Variants in STK36 observed in about 807,000 individuals in gnomAD.
The protein encoded by STK36 is serine/threonine-protein kinase 36.
STK36 carries 116 observed loss-of-function variants against 142.2 expected under a neutral mutation model. That is an observed-to-expected ratio of 0.82 (90% CI 0.70 to 0.95). The LOEUF is 0.95. Among genes scored for constraint, STK36 ranks in the 40% least tolerant of loss-of-function variants. STK36 has a pLI of 0.00. For missense variants in STK36, 1,422 were observed against 1,617.2 expected, an observed-to-expected ratio of 0.88 and a Z score of 2.07; for synonymous variants, 619 against 641.7, an observed-to-expected ratio of 0.96 and a Z score of 0.53.
At position 218,672,919 on chromosome 2, in the gene STK36, G is replaced by A. The variant is rs1940054275; in HGVS notation, c.84+6G>A. 1 of 1,613,682 alleles carries A rather than the reference G, an allele frequency of 6.2e-7. No homozygotes were observed. The highest frequency in any genetic ancestry group is 8.5e-7 in the Non-Finnish European group (1 of 1,179,736). ...GAAGAAAATACAGTGCTCAGGTGTT[G>A]CACAAAGAGGGATACCTTTTGGGTG... On this transcript the variant is annotated splice_donor_region_variant and intron_variant, in intron 2 of 26. Coordinates refer to ENST00000295709, the MANE Select transcript of STK36 (RefSeq NM_015690.5).
At chr2:218,685,584 G>A (rs1423451669) in intron 11 of STK36, among the ~76,000 whole-genome samples, 1 of 152,094 alleles carries the variant, frequency 6.6e-6, no homozygotes, top group East Asian at 1.9e-4. Context: ...AAATATAAAT[G>A]TAACAATTAA....
At position 218,679,625 on chromosome 2, in the gene STK36, C is replaced by G. The variant is rs567022277; in HGVS notation, c.844C>G (p.Gln282Glu). The change falls in exon 8 of 27, where the codon CAG becomes GAG. Residue 282 changes from glutamine (Q) to glutamate (E), a missense_variant. Around this residue, in one of 2 missense-constraint regions of STK36, gnomAD observed 460 missense variants for 449.6 expected, o/e 1.02. Coordinates refer to ENST00000295709, the MANE Select transcript of STK36 (RefSeq NM_015690.5). ...CACCAGCCGCCTACCCCCAGAACTT[C>G]AGGTCCTAAAGGACGAACAGGCCCA... The part of the protein sequence containing the change: ...PFTSRLPPEL[Q>E]VLKDEQAHRL... 1.5e-5 allele frequency: 24 copies of G among 1,614,076 alleles called. No homozygotes were observed. Among genetic ancestry groups the G allele is most frequent in the Admixed American group, 8.3e-5 (5 of 60,002 alleles).
chr2:218,679,661 C>A lies in STK36; in HGVS notation c.880C>A (p.Pro294Thr). 1 of 1,614,134 alleles carries A rather than the reference C, an allele frequency of 6.2e-7. No homozygotes were observed. Among genetic ancestry groups the A allele is most frequent in the African/African-American group, 1.3e-5 (1 of 75,012 alleles). The change falls in exon 8 of 27, where the codon CCC becomes ACC. Residue 294 changes from proline (P) to threonine (T), a missense_variant. Pro to Thr is a conservative substitution (Grantham distance 38). Transcript: ENST00000295709. Reference protein sequence around the residue: ...LKDEQAHRLAPKGNQSRILTQ... With the variant: ...LKDEQAHRLATKGNQSRILTQ... ...GGACGAACAGGCCCATCGGTTGGCC[C>A]CCAAGGGTAATCAGTCTCGCATCTT...
intron 11 of STK36, 35 bp downstream of exon 11, chr2:218,685,263 G>C: frequency 4.3e-6 from 7 of 1,611,394 alleles, no homozygotes; most frequent in Non-Finnish European, 5.9e-6. Flanking sequence ...ATGGGATCAA[G>C]ACTGTTTTCA....
rs770582897 is a variant in STK36, at chr2:218,672,799, C to A, written c.-31C>A. ...TATAGCTCTTCACCGTCTCTACTTT[C>A]TTCCTTCTAAGAGATCCTGAAACCT... On this transcript the variant is annotated 5_prime_UTR_variant, in exon 2 of 27. Transcript: ENST00000295709. 7.5e-6 allele frequency: 12 copies of A among 1,609,292 alleles called. No individual in the cohort carries two copies. In the African/African-American group the frequency reaches 1.1e-4, roughly 14 times the overall value.
At position 218,694,703 on chromosome 2, in the gene STK36, GA is replaced by G; in HGVS notation, c.2511+72del. Reference sequence around the variant, plus strand: ...CAGACACTAGGACTGCATTCAAGGGGAAAAGACTGAAATGCCAGCAAGCCTG... The same window carrying G: ...CAGACACTAGGACTGCATTCAAGGGGAAAGACTGAAATGCCAGCAAGCCTG... On this transcript the variant is annotated intron_variant, in intron 21 of 26. Transcript: ENST00000295709. The surrounding 1 kb of genome is among the most constrained non-coding windows in gnomAD (Gnocchi z 4.4). 1.5e-6 allele frequency: 2 copies of G among 1,322,568 alleles called. No individual in the cohort carries two copies. The highest frequency in any genetic ancestry group is 2.2e-6 in the Non-Finnish European group (2 of 923,728). The allele number at this position is 1,322,568 out of a possible 1,614,324, so 81.9% of individuals were successfully genotyped here.
chr2:218,691,412 G>T (rs1291030895), intron 14 of STK36, among the ~76,000 whole-genome samples: 1 of 152,040 alleles, frequency 6.6e-6, no homozygotes, highest in Non-Finnish European at 1.5e-5. Context: ...CTAAATTTTG[G>T]CCAGCAGTGA....
chr2:218,673,765 G>T lies in STK36; in HGVS notation c.225G>T (p.Glu75Asp), dbSNP rs1940099289. The T allele has an allele frequency of 1.2e-6, 2 of 1,613,860 alleles. No homozygotes were observed. Among genetic ancestry groups the T allele is most frequent in the East Asian group, 4.5e-5 (2 of 44,884 alleles). Residue 75 changes from glutamate to aspartate, a missense_variant and splice_region_variant, in exon 3 of 27, where the codon GAG becomes GAT. This residue lies in a region of STK36 where 460 missense variants were observed against 449.6 expected (regional missense o/e 1.02). Coordinates refer to ENST00000295709, the MANE Select transcript of STK36 (RefSeq NM_015690.5). The stretch of plus-strand genomic sequence containing the variant: ...TTGACAGCTTTGAAACTGATAAAGA[G>T]GTGTGCTTTGACAGTTTTGGGCCCT... ...HMLDSFETDK[E>D]VVVVTDYAEG...
rs921030322 is a variant in STK36 at position 218,694,678 on chromosome 2, C to G, written c.2511+43C>G. On this transcript the variant is annotated intron_variant, in intron 21 of 26. Coordinates refer to ENST00000295709, the MANE Select transcript of STK36 (RefSeq NM_015690.5). This position sits in a 1 kb window ranked among gnomAD's most constrained non-coding sequence, Gnocchi z 4.4. ...GGGCACAGACATGTTTTCTCTGAGT[C>G]AGACACTAGGACTGCATTCAAGGGG... The G allele has an allele frequency of 3.5e-5, 53 of 1,534,968 alleles. No homozygotes were observed. The highest frequency in any genetic ancestry group is 4.6e-5 in the Non-Finnish European group (51 of 1,108,640).
chr2:218,689,278 G>T (rs888546854), intron 12 of STK36, among the ~76,000 whole-genome samples: 1 of 152,158 alleles, frequency 6.6e-6, no homozygotes, highest in East Asian at 1.9e-4. Context: ...TATTTAGAGC[G>T]CTGTGCTTTG....
Position 218,697,135 on chromosome 2 carries a change from G to T in STK36, c.2683G>T (p.Ala895Ser), listed in dbSNP as rs759928688. ...CATGGTCCTGAGGCTCCCCGAGGAG[G>T]CATCTGCACAGGAAGGGGAGCTTTC... Reference protein sequence around the residue: ...FSMVLRLPEEASAQEGELSLS... With the variant: ...FSMVLRLPEESSAQEGELSLS... The change falls in exon 23 of 27, where the codon GCA (alanine) becomes TCA (serine). Residue 895 changes from alanine (A) to serine (S), a missense_variant. This residue lies in a region of STK36 where 962 missense variants were observed against 1,167.5 expected (regional missense o/e 0.82). Coordinates refer to ENST00000295709, the MANE Select transcript of STK36 (RefSeq NM_015690.5). The T allele has an allele frequency of 1.2e-6, 2 of 1,614,152 alleles. No individual in the cohort carries two copies. The highest frequency in any genetic ancestry group is 1.1e-5 in the South Asian group (1 of 91,076).
chr2:218,693,619 G>A, intron 17 of STK36, 104 bp from the exon 18 acceptor site: 2 of 1,093,916 alleles, frequency 1.8e-6, no homozygotes, highest in Non-Finnish European at 2.7e-6. Context: ...CCAAGTGTGG[G>A]TACCAGATCT....
intron 6 of STK36, among the ~76,000 whole-genome samples, chr2:218,676,948 C>T (rs1161611412): frequency 6.6e-6 from 1 of 151,990 alleles, no homozygotes; most frequent in African/African-American, 2.4e-5. Context: ...CTGCTCCCAG[C>T]CTGAGACAGA....
intron 15 of STK36, 143 bp downstream of exon 15, chr2:218,692,436 G>C: frequency 6.7e-7 from 1 of 1,481,646 alleles, no homozygotes. Context: ...AATGAATGGG[G>C]ATCTGAGGGA....
intron 2 of STK36, 111 bp downstream of exon 2, chr2:218,673,024 A>T: frequency 1.1e-6 from 1 of 905,026 alleles, no homozygotes; most frequent in South Asian, 1.5e-5. Flanking sequence ...TAAGGTACTG[A>T]CTCCCTCATA....
chr2:218,680,043 G>T lies in STK36; in HGVS notation c.1099G>T (p.Ala367Ser). The change falls in exon 9 of 27, where the codon GCT becomes TCT. Residue 367 changes from alanine to serine, a missense_variant. Physicochemically the swap from Ala to Ser is moderately conservative, Grantham distance 99. Around this residue, in one of 2 missense-constraint regions of STK36, gnomAD observed 962 missense variants for 1,167.5 expected, o/e 0.82. Transcript: ENST00000295709. ...AGCCTCAGAATTGAAGAGCAGCTGGGCTAAATCAGGGACTGGAGAGGTGCC... is the reference window on the plus strand; with the variant it reads ...AGCCTCAGAATTGAAGAGCAGCTGGTCTAAATCAGGGACTGGAGAGGTGCC... Reference protein sequence around the residue: ...ILASELKSSWAKSGTGEVPSA... With the variant: ...ILASELKSSWSKSGTGEVPSA... 6.2e-7 allele frequency: 1 copy of T among 1,614,174 alleles called. No homozygotes were observed. Among genetic ancestry groups the T allele is most frequent in the South Asian group, 1.1e-5 (1 of 91,090 alleles).
In STK36 at chr2:218,701,999, A is replaced by G. The variant is rs1252668799; in HGVS notation, c.3938A>G (p.His1313Arg). The G allele has an allele frequency of 3.7e-6, 6 of 1,613,618 alleles. No homozygotes were observed. In the African/African-American group the frequency reaches 6.7e-5, roughly 18 times the overall value. The change falls in exon 27 of 27, where the codon CAT becomes CGT. Residue 1313 changes from histidine to arginine, a missense_variant. Physicochemically the swap from His to Arg is conservative, Grantham distance 29. Around this residue, in one of 2 missense-constraint regions of STK36, gnomAD observed 962 missense variants for 1,167.5 expected, o/e 0.82. Coordinates refer to ENST00000295709, the MANE Select transcript of STK36 (RefSeq NM_015690.5). Reference protein sequence around the residue: ...RKLIHLLRPAHSM With the variant: ...RKLIHLLRPARSM ...CTCATTCACCTCCTGAGGCCAGCCC[A>G]TAGCATGTGATTCCAGATTCCTGCG... is the stretch of plus-strand genomic sequence containing the variant.
Position 218,694,266 on chromosome 2 carries a change from T to C in STK36, c.2339T>C (p.Met780Thr), listed in dbSNP as rs139073740. 5.3e-4 allele frequency: 853 copies of C among 1,613,756 alleles called. 1 individual carries two copies. The African/African-American group carries it at 0.01, about 19-fold the overall frequency. The change falls in exon 20 of 27, where the codon ATG becomes ACG. Residue 780 changes from methionine to threonine, a missense_variant and splice_region_variant. Met to Thr is a moderately conservative substitution (Grantham distance 81, BLOSUM62 -1). Around this residue, in one of 2 missense-constraint regions of STK36, gnomAD observed 962 missense variants for 1,167.5 expected, o/e 0.82. Coordinates refer to ENST00000295709, the MANE Select transcript of STK36 (RefSeq NM_015690.5). The surrounding 1 kb of genome is among the most constrained non-coding windows in gnomAD (Gnocchi z 4.4). The stretch of plus-strand genomic sequence containing the variant: ...CTTGATGTATCTCTTTATTCCAGAA[T>C]GGAGAAGCTAGGCAGTGACGTTGCT... Reference protein sequence around the residue: ...VFRLQNLPCGMEKLGSDVATL... With the variant: ...VFRLQNLPCGTEKLGSDVATL...
chr2:218,683,274 ATT>A (rs747160623), intron 10 of STK36, among the ~76,000 whole-genome samples: 34 of 133,368 alleles, frequency 2.5e-4, no homozygotes, highest in Admixed American at 5.3e-4. Context: ...ATGCCCAGCT[ATT>A]TTTTTTTTTT....
Sources: gnomAD v4.1 joint callset for allele counts (sites outside exome capture counted in the v4.1 genomes callset) on GRCh38, gnomAD v4.1.1 for gene constraint, gnomAD v4.1.1 regional missense constraint, Gnocchi (gnomAD v3.1) non-coding constraint, MANE v1.5 for transcripts, NCBI Gene and HGNC (gene_info 2026-07-23, HGNC 2026-07-21) for gene names.